ADAMTS12: variants seen among roughly 807,000 people sequenced by gnomAD.
ADAMTS12 encodes A disintegrin and metalloproteinase with thrombospondin motifs 12.
ADAMTS12 carries 118 observed loss-of-function variants against 167.8 expected under a neutral mutation model. The observed-to-expected ratio is 0.70, with a 90% CI of 0.61 to 0.82. The LOEUF is 0.82. ADAMTS12 is among the 40% of genes least tolerant of loss of function. The pLI, the probability that ADAMTS12 is intolerant of heterozygous loss-of-function variation, is 0.00. For missense variants in ADAMTS12, 1,916 were observed against 1,998.8 expected, an observed-to-expected ratio of 0.96 and a Z score of 0.79; for synonymous variants, 704 against 716.9, an observed-to-expected ratio of 0.98 and a Z score of 0.29.
intron 22 of ADAMTS12, among the ~76,000 whole-genome samples, chr5:33,535,202 G>A (rs1744329221): frequency 6.6e-6 from 1 of 152,236 alleles, no homozygotes; most frequent in African/African-American, 2.4e-5. Context: ...GATTGAATCT[G>A]ACTGAAATTA....
intron 2 of ADAMTS12, among the ~76,000 whole-genome samples, chr5:33,859,043 T>C (rs1240698577): frequency 6.6e-6 from 1 of 152,320 alleles, no homozygotes; most frequent in South Asian, 2.1e-4. Context: ...CAGGTGCCTA[T>C]GCCACCAGGG....
chr5:33,830,745 T>C (rs1433965074), intron 2 of ADAMTS12, among the ~76,000 whole-genome samples: 1 of 152,066 alleles, frequency 6.6e-6, no homozygotes, highest in Non-Finnish European at 1.5e-5. Flanking sequence ...TGAGCCATGA[T>C]TACACCACCG....
At chr5:33,686,692 C>T (rs1561214489) in intron 3 of ADAMTS12, among the ~76,000 whole-genome samples, 1 of 144,706 alleles carries the variant, frequency 6.9e-6, no homozygotes, top group African/African-American at 2.6e-5. Context: ...AAGGAAGAGA[C>T]ATCAGAGCCC....
intron 3 of ADAMTS12, among the ~76,000 whole-genome samples, chr5:33,741,110 GCA>G (rs143330288): frequency 2.1e-3 from 319 of 152,298 alleles, no homozygotes; most frequent in Admixed American, 3.3e-3. Context: ...GTTTCCTGCT[GCA>G]CACACAGCGT....
At position 33,525,565 on chromosome 5, in the gene ADAMTS12, C is replaced by T. The variant is rs552373460; in HGVS notation, c.*1623G>A. ...ATGGAGAGTTTCACATACACTTACC[C>T]ATTTGTATGCCTATCTATGTTTACA... On this transcript the variant is annotated 3_prime_UTR_variant, in exon 24 of 24. Transcript: ENST00000504830. 1 of 152,308 alleles carries T rather than the reference C, an allele frequency of 6.6e-6. No homozygotes were observed. The highest frequency in any genetic ancestry group is 6.5e-5 in the Admixed American group (1 of 15,298). The allele number at this position is 152,308 out of a possible 1,614,324, so 9.4% of individuals were successfully genotyped here. A position where few individuals can be genotyped will look rare whatever the true frequency, so the allele number is the denominator to read the frequency against.
chr5:33,563,508 G>T (rs373292312), intron 19 of ADAMTS12, among the ~76,000 whole-genome samples: 1 of 152,162 alleles, frequency 6.6e-6, no homozygotes, highest in Non-Finnish European at 1.5e-5. Context: ...ACCCTGTGGC[G>T]ACTGACTAAC....
intron 3 of ADAMTS12, among the ~76,000 whole-genome samples, chr5:33,735,545 C>G (rs1744339029): frequency 6.6e-6 from 1 of 152,166 alleles, no homozygotes; most frequent in South Asian, 2.1e-4. Context: ...CTGTACAAAA[C>G]AGATGGCACG....
intron 18 of ADAMTS12, among the ~76,000 whole-genome samples, chr5:33,581,226 T>C (rs1293231693): frequency 6.6e-6 from 1 of 152,254 alleles, no homozygotes; most frequent in Non-Finnish European, 1.5e-5. Context: ...TCTCAATTGG[T>C]AGTTTCAGAA....
rs746077027 is a variant in ADAMTS12 at position 33,614,293 on chromosome 5, C to G, written c.2472G>C (p.Gln824His). ...KDGLDNDVEQ[Q>H]MYFWQYGHWT... ...AGTGGCCGTACTGCCAGAAGTACAT[C>G]TGCTGCTCAACATCATTGTCAAGGC... is the stretch of plus-strand genomic sequence containing the variant. Residue 824 changes from glutamine (Q) to histidine (H), a missense_variant, in exon 16 of 24, where the codon CAG becomes CAC. Coordinates refer to ENST00000504830, the MANE Select transcript of ADAMTS12 (RefSeq NM_030955.4). The G allele has an allele frequency of 3.5e-5, 56 of 1,614,034 alleles. No individual in the cohort carries two copies. The highest frequency in any genetic ancestry group is 4.5e-5 in the Non-Finnish European group (53 of 1,180,010).
chr5:33,880,783 G>A (rs1750403109), intron 2 of ADAMTS12: 1 of 274,094 alleles, frequency 3.6e-6, no homozygotes, highest in South Asian at 7.1e-5. Flanking sequence ...AAAATACGCT[G>A]TCCAGCCAGT....
intron 16 of ADAMTS12, among the ~76,000 whole-genome samples, chr5:33,599,920 C>T (rs77693632): frequency 2.6e-5 from 4 of 152,124 alleles, no homozygotes; most frequent in African/African-American, 9.7e-5. Flanking sequence ...ACACATTCAG[C>T]TAAGTCTATG....
chr5:33,739,803 T>C (rs1019146215), intron 3 of ADAMTS12, among the ~76,000 whole-genome samples: 5 of 152,026 alleles, frequency 3.3e-5, no homozygotes, highest in Admixed American at 2.6e-4. Flanking sequence ...CTGTTAGGGA[T>C]GGGGCAAGGG....
rs1309339317 is a variant in ADAMTS12, at chr5:33,615,982, C to T, written c.2234G>A (p.Ser745Asn). ...EGAGNFLAIR[S>N]EDPEKYYLNG... ...CAGGTAATATTTTTCAGGATCTTCA[C>T]TCCTGATGGCCAGGAAGTTTCCAGC... The change falls in exon 15 of 24, where the codon AGT becomes AAT. Residue 745 changes from serine to asparagine, a missense_variant. Physicochemically the swap from Ser to Asn is conservative, Grantham distance 46 (BLOSUM62 1). Coordinates refer to ENST00000504830, the MANE Select transcript of ADAMTS12 (RefSeq NM_030955.4). 6.2e-7 allele frequency: 1 copy of T among 1,614,186 alleles called. No individual in the cohort carries two copies. The highest frequency in any genetic ancestry group is 1.7e-5 in the Admixed American group (1 of 60,020).
At chr5:33,826,538 CTGTT>C (rs559655429) in intron 2 of ADAMTS12, among the ~76,000 whole-genome samples, 57 of 150,708 alleles carry the variant, frequency 3.8e-4, no homozygotes, top group African/African-American at 1.2e-3. Context: ...GCTTTTAAGT[CTGTT>C]TGAAAACAGA....
intron 3 of ADAMTS12, among the ~76,000 whole-genome samples, chr5:33,711,563 A>G (rs1432373160): frequency 6.6e-6 from 1 of 151,928 alleles, no homozygotes; most frequent in African/African-American, 2.4e-5. Context: ...TCCAGGCACC[A>G]CTCCCTACTG....
intron 7 of ADAMTS12, among the ~76,000 whole-genome samples, chr5:33,657,271 CA>C (rs1741096120): frequency 6.6e-6 from 1 of 152,088 alleles, no homozygotes; most frequent in South Asian, 2.1e-4. Flanking sequence ...GTGTTTTTTC[CA>C]ATCCTGCCTC....
chr5:33,761,933 C>T (rs1425987940), intron 2 of ADAMTS12, among the ~76,000 whole-genome samples: 1 of 152,084 alleles, frequency 6.6e-6, no homozygotes, highest in Non-Finnish European at 1.5e-5. Flanking sequence ...TGGCTCACGC[C>T]TATAATCCCA....
intron 3 of ADAMTS12, among the ~76,000 whole-genome samples, chr5:33,743,181 G>A (rs998425591): frequency 1.3e-5 from 2 of 152,132 alleles, no homozygotes; most frequent in African/African-American, 4.8e-5. Flanking sequence ...GAAGGGGAGA[G>A]TGGTGGGAGA....
chr5:33,871,917 A>AT (rs35749712), intron 2 of ADAMTS12, among the ~76,000 whole-genome samples: 4,514 of 152,220 alleles, frequency 0.03, 180 homozygotes, highest in East Asian at 0.2. Context: ...AGAATAAAGG[A>AT]ATATTATGAA....
Sources: gnomAD v4.1 joint callset for allele counts (sites outside exome capture counted in the v4.1 genomes callset) on GRCh38, gnomAD v4.1.1 for gene constraint, MANE v1.5 for transcripts, NCBI Gene and HGNC (gene_info 2026-07-23, HGNC 2026-07-21) for gene names.